KLHL32: variants seen among roughly 807,000 people sequenced by gnomAD.
The protein encoded by KLHL32 is kelch-like protein 32.
KLHL32 carries 35 observed loss-of-function variants against 64.8 expected under a neutral mutation model. The ratio of observed to expected loss-of-function variants is 0.54; its 90% CI spans 0.41 to 0.72. The LOEUF (loss-of-function observed/expected upper bound fraction) is 0.72, where lower values mean the gene tolerates loss of function less well. KLHL32 is among the 30% of genes least tolerant of loss of function. The pLI, the probability that KLHL32 is intolerant of heterozygous loss-of-function variation, is 0.00. For missense variants in KLHL32, 589 were observed against 768.5 expected, an observed-to-expected ratio of 0.77 and a Z score of 2.76; for synonymous variants, 259 against 281.0, an observed-to-expected ratio of 0.92 and a Z score of 0.78.
intron 1 of KLHL32, among the ~76,000 whole-genome samples, chr6:96,941,366 G>A (rs1476943464): frequency 6.6e-6 from 1 of 152,026 alleles, no homozygotes; most frequent in Non-Finnish European, 1.5e-5. Context: ...AAACAAACAT[G>A]CATTTTGATA....
intron 3 of KLHL32, among the ~76,000 whole-genome samples, chr6:97,008,797 C>A (rs762314051): frequency 1.3e-5 from 2 of 152,152 alleles, no homozygotes; most frequent in Non-Finnish European, 2.9e-5. Flanking sequence ...TGTCTTCCTT[C>A]CATCCACTCA....
At chr6:97,002,237 T>A (rs1395863918) in intron 3 of KLHL32, among the ~76,000 whole-genome samples, 9 of 152,162 alleles carry the variant, frequency 5.9e-5, no homozygotes, top group Admixed American at 5.2e-4. Flanking sequence ...CACTTAGCCT[T>A]TTATTCTCTC....
chr6:96,953,230 T>A (rs1582458845), intron 1 of KLHL32, among the ~76,000 whole-genome samples: 1 of 152,244 alleles, frequency 6.6e-6, no homozygotes, highest in Non-Finnish European at 1.5e-5. Flanking sequence ...ATAATGTATG[T>A]GAGAACTTAC....
chr6:96,936,445 C>T (rs184521544), intron 1 of KLHL32, among the ~76,000 whole-genome samples: 7 of 152,342 alleles, frequency 4.6e-5, no homozygotes, highest in Admixed American at 2.6e-4. Context: ...TCCAGAGCCT[C>T]TCCATTTTTG....
intron 7 of KLHL32, among the ~76,000 whole-genome samples, chr6:97,114,985 A>C (rs191817735): frequency 4.9e-4 from 75 of 152,314 alleles, no homozygotes; most frequent in African/African-American, 1.7e-3. Flanking sequence ...CTGTGCATTG[A>C]GAGAAGGGAT....
intron 6 of KLHL32, chr6:97,105,385 A>G: frequency 2.1e-6 from 1 of 468,198 alleles, no homozygotes; most frequent in South Asian, 1.6e-5. Flanking sequence ...ATGGAGGTTC[A>G]GGAGTGAGTT....
At chr6:97,069,707 A>T (rs1172973322) in intron 5 of KLHL32, among the ~76,000 whole-genome samples, 2 of 151,900 alleles carry the variant, frequency 1.3e-5, no homozygotes, top group African/African-American at 4.8e-5. Context: ...CCATTAAGTA[A>T]TTTTTCTCTG....
In KLHL32 at chr6:96,953,854, C is replaced by CT. The variant is rs60587934; in HGVS notation, c.-65-13129dup. Among the ~76,000 whole-genome samples, 143 of 142,672 alleles carry CT rather than the reference C, an allele frequency of 1.0e-3. 1 individual carries two copies. Among genetic ancestry groups the CT allele is most frequent in the Middle Eastern group, 3.6e-3 (1 of 274 alleles). The allele number at this position is 142,672 out of a possible 152,430, so 93.6% of individuals were successfully genotyped here. On this transcript the variant is annotated intron_variant, in intron 1 of 10. Coordinates refer to ENST00000369261, the MANE Select transcript of KLHL32 (RefSeq NM_052904.4). ...ACTTTTGTTTTTCATTAATAGTTGT[C>CT]TTTTTTTTTTTTTGCTTATGTTTTT...
intron 10 of KLHL32, among the ~76,000 whole-genome samples, chr6:97,136,193 AT>A (rs533259500): frequency 3.3e-5 from 5 of 151,510 alleles, no homozygotes; most frequent in African/African-American, 7.3e-5. Context: ...GGAAGTACTA[AT>A]TTTTTTTTGC....
At chr6:96,913,881 T>C in the KLHL32 span, among the ~76,000 whole-genome samples, 1 of 152,170 alleles carries the variant, frequency 6.6e-6, no homozygotes, top group Admixed American at 6.5e-5. Context: ...AGTCTATGGA[T>C]AGATTATATT....
intron 5 of KLHL32, among the ~76,000 whole-genome samples, chr6:97,076,766 A>G (rs1791662245): frequency 6.6e-6 from 1 of 152,144 alleles, no homozygotes; most frequent in Non-Finnish European, 1.5e-5. Context: ...GCTTTTTCCC[A>G]TCTTTTTAGG....
Position 97,139,356 on chromosome 6 carries a change from C to G in KLHL32, c.*74C>G, listed in dbSNP as rs1045960829. 1 of 1,259,644 alleles carries G rather than the reference C, an allele frequency of 7.9e-7. No individual in the cohort carries two copies. Among genetic ancestry groups the G allele is most frequent in the Non-Finnish European group, 1.1e-6 (1 of 897,960 alleles). The allele number at this position is 1,259,644 out of a possible 1,614,324, so 78.0% of individuals were successfully genotyped here. A position where few individuals can be genotyped will look rare whatever the true frequency, so the allele number is the denominator to read the frequency against. On this transcript the variant is annotated 3_prime_UTR_variant, in exon 11 of 11. Transcript: ENST00000369261. The stretch of plus-strand genomic sequence containing the variant: ...ATACTGGGCATGAAAAGACTCAGTG[C>G]TCCATGCTTCCTTGTCTTGCTTTAT...
At chr6:97,029,003 G>T (rs1238529473) in intron 3 of KLHL32, among the ~76,000 whole-genome samples, 2 of 152,220 alleles carry the variant, frequency 1.3e-5, no homozygotes, top group Admixed American at 6.5e-5. Context: ...ATGTGTGGAT[G>T]CCACTTTCCA....
At chr6:96,961,518 G>A (rs1321114763) in intron 1 of KLHL32, among the ~76,000 whole-genome samples, 1 of 152,134 alleles carries the variant, frequency 6.6e-6, no homozygotes, top group Non-Finnish European at 1.5e-5. Context: ...CGTTCTGCCT[G>A]TATGCAGCAA....
chr6:96,984,453 T>C (rs575654590), intron 3 of KLHL32, among the ~76,000 whole-genome samples: 1 of 152,330 alleles, frequency 6.6e-6, no homozygotes, highest in Non-Finnish European at 1.5e-5. Flanking sequence ...GTCTCATTGA[T>C]CTGTCTAATG....
At chr6:97,038,569 A>C (rs1348667887) in intron 3 of KLHL32, among the ~76,000 whole-genome samples, 1 of 152,160 alleles carries the variant, frequency 6.6e-6, no homozygotes, top group Non-Finnish European at 1.5e-5. Context: ...GACGGGAATA[A>C]ATTAGTACAG....
Position 97,060,887 on chromosome 6 carries a change from C to A in KLHL32, c.313-3741C>A, listed in dbSNP as rs78233059. Among the ~76,000 whole-genome samples, 910 of 152,242 alleles carry A rather than the reference C, an allele frequency of 6.0e-3. 7 individuals are homozygous for A. The highest frequency in any genetic ancestry group is 0.017 in the Middle Eastern group (5 of 294). On this transcript the variant is annotated intron_variant, in intron 4 of 10. Transcript: ENST00000369261. ...TACAGCCACTGGTCGGTTCTTATCCCCACCAAAATGAGTGTAGAGTTTCAG... is the reference window on the plus strand; with the variant it reads ...TACAGCCACTGGTCGGTTCTTATCCACACCAAAATGAGTGTAGAGTTTCAG...
At chr6:96,924,140 A>T (rs1470186726), upstream of KLHL32, among the ~76,000 whole-genome samples, 1 of 152,190 alleles carries the variant, frequency 6.6e-6, no homozygotes, top group Non-Finnish European at 1.5e-5. Context: ...TCTGGTCAGT[A>T]CCATAGAGTG....
In KLHL32 at chr6:97,099,875, TAA is replaced by T. The variant is rs11307696; in HGVS notation, c.628-13895_628-13894del. Among the ~76,000 whole-genome samples, 410 of 146,474 alleles carry T rather than the reference TAA, an allele frequency of 2.8e-3. 5 individuals are homozygous for T. Among genetic ancestry groups the T allele is most frequent in the African/African-American group, 9.7e-3 (391 of 40,494 alleles). On this transcript the variant is annotated intron_variant, in intron 6 of 10. Coordinates refer to ENST00000369261, the MANE Select transcript of KLHL32 (RefSeq NM_052904.4). ...TCTTCTCTGAAATTTCTATTTGGGT[TAA>T]AAAAAAAAAAAATCTGTGATCATTG...
Sources: gnomAD v4.1 joint callset for allele counts (sites outside exome capture counted in the v4.1 genomes callset) on GRCh38, gnomAD v4.1.1 for gene constraint, MANE v1.5 for transcripts, NCBI Gene and HGNC (gene_info 2026-07-23, HGNC 2026-07-21) for gene names.